Variants in LRRC4C observed in about 807,000 individuals in gnomAD.
LRRC4C encodes leucine rich repeat containing 4C, also known as leucine-rich repeat-containing protein 4C.
LRRC4C carries 5 observed loss-of-function variants against 33.6 expected under a neutral mutation model. The ratio of observed to expected loss-of-function variants is 0.15; its 90% CI spans 0.08 to 0.31. The LOEUF (loss-of-function observed/expected upper bound fraction) is 0.31. LRRC4C is among the 10% of genes least tolerant of loss of function. The probability of loss-of-function intolerance (pLI) is 1.00; values close to 1 mark genes in which losing one functional copy is unlikely to be tolerated. For synonymous variants in LRRC4C, 329 were observed against 302.0 expected, an observed-to-expected ratio of 1.09 and a Z score of -0.93; for missense variants, 560 against 796.7, an observed-to-expected ratio of 0.70 and a Z score of 3.58.
chr11:40,226,549 C>T (rs560481355), intron 5 of LRRC4C, among the ~76,000 whole-genome samples: 16 of 152,112 alleles, frequency 1.1e-4, no homozygotes, highest in Admixed American at 1.0e-3. Context: ...ACATTACTAA[C>T]CTTGCTTATG....
chr11:40,691,360 A>G (rs994536100), intron 2 of LRRC4C, among the ~76,000 whole-genome samples: 2 of 152,002 alleles, frequency 1.3e-5, no homozygotes, highest in Admixed American at 6.6e-5. Context: ...CTCTCTCCCA[A>G]GTATCCAATT....
chr11:41,440,990 T>C lies in LRRC4C; in HGVS notation c.-496+18441A>G, dbSNP rs186164814. ...GAGAACTCAATTACTATAATAATGCTGAGATAATAAGTGAGTCATGAAGAG... is the reference window on the plus strand; with the variant it reads ...GAGAACTCAATTACTATAATAATGCCGAGATAATAAGTGAGTCATGAAGAG... On this transcript the variant is annotated intron_variant, in intron 1 of 6. Transcript: ENST00000528697. 6.6e-5 allele frequency among the ~76,000 whole-genome samples: 10 copies of C among 152,250 alleles called. No individual in the cohort carries two copies. In the East Asian group the frequency reaches 1.7e-3, roughly 26 times the overall value.
chr11:40,601,265 T>C (rs1015806380), intron 3 of LRRC4C, among the ~76,000 whole-genome samples: 3 of 152,214 alleles, frequency 2.0e-5, no homozygotes, highest in Non-Finnish European at 4.4e-5. Context: ...TTTCTCCTGC[T>C]GAGAATTCTC....
chr11:41,387,121 C>G (rs1402819337), intron 1 of LRRC4C, among the ~76,000 whole-genome samples: 5 of 151,630 alleles, frequency 3.3e-5, no homozygotes, highest in African/African-American at 1.2e-4. Flanking sequence ...CTCCTGGGGT[C>G]AAATGTCTTT....
At chr11:41,145,445 G>T (rs548801469) in intron 1 of LRRC4C, among the ~76,000 whole-genome samples, 2 of 124,920 alleles carry the variant, frequency 1.6e-5, no homozygotes, top group Admixed American at 7.6e-5. Flanking sequence ...GGTCAAAATT[G>T]TGCCTGCTGC....
chr11:41,273,262 C>A (rs1949375641), intron 1 of LRRC4C, among the ~76,000 whole-genome samples: 1 of 152,114 alleles, frequency 6.6e-6, no homozygotes, highest in Admixed American at 6.6e-5. Flanking sequence ...CATGATCCAG[C>A]ATCCCACTTC....
intron 3 of LRRC4C, among the ~76,000 whole-genome samples, chr11:40,415,158 A>G (rs1399899741): frequency 6.6e-6 from 1 of 152,146 alleles, no homozygotes; most frequent in Non-Finnish European, 1.5e-5. Flanking sequence ...ATGGAGGCAT[A>G]TGTTAAACAC....
chr11:40,340,303 A>G (rs1166931494), intron 3 of LRRC4C, among the ~76,000 whole-genome samples: 4 of 152,314 alleles, frequency 2.6e-5, no homozygotes, highest in African/African-American at 7.2e-5. Context: ...CAGGCCATGT[A>G]CAGTTCAAAT....
At chr11:40,586,208 A>G (rs1958733303) in intron 3 of LRRC4C, among the ~76,000 whole-genome samples, 1 of 151,934 alleles carries the variant, frequency 6.6e-6, no homozygotes, top group Admixed American at 6.6e-5. Flanking sequence ...TTTGATTTGC[A>G]TTTCTCTGAT....
chr11:40,213,278 A>G (rs967335264), intron 5 of LRRC4C, among the ~76,000 whole-genome samples: 2 of 152,100 alleles, frequency 1.3e-5, no homozygotes, highest in Non-Finnish European at 2.9e-5. Flanking sequence ...TCTTACTTGG[A>G]TTTTGGTCTT....
chr11:41,282,262 T>G (rs1221983257), intron 1 of LRRC4C, among the ~76,000 whole-genome samples: 2 of 152,190 alleles, frequency 1.3e-5, no homozygotes, highest in African/African-American at 2.4e-5. Context: ...CAGAGTTATT[T>G]TGAGGTGCAA....
intron 1 of LRRC4C, among the ~76,000 whole-genome samples, chr11:40,935,376 CAG>C (rs1957825061): frequency 1.3e-5 from 2 of 152,142 alleles, no homozygotes; most frequent in Non-Finnish European, 2.9e-5. Context: ...TCTGACAAAA[CAG>C]AGCCATGTCT....
chr11:40,832,800 A>C (rs1565112862), intron 2 of LRRC4C, among the ~76,000 whole-genome samples: 1 of 152,180 alleles, frequency 6.6e-6, no homozygotes, highest in African/African-American at 2.4e-5. Context: ...ATCTAGAATG[A>C]GGTAGTACAT....
At chr11:40,818,335 T>C (rs1341305695) in intron 2 of LRRC4C, among the ~76,000 whole-genome samples, 30 of 152,086 alleles carry the variant, frequency 2.0e-4, no homozygotes, top group Admixed American at 2.0e-3. Flanking sequence ...AGACTTTCCC[T>C]TCCATCTTTA....
intron 3 of LRRC4C, among the ~76,000 whole-genome samples, chr11:40,490,158 G>T (rs1458645357): frequency 6.6e-6 from 1 of 152,152 alleles, no homozygotes; most frequent in East Asian, 1.9e-4. Flanking sequence ...ACTAAAAAAA[G>T]TAGTAGTTTC....
intron 1 of LRRC4C, among the ~76,000 whole-genome samples, chr11:41,049,763 T>C (rs1453879278): frequency 6.6e-6 from 1 of 152,214 alleles, no homozygotes; most frequent in Non-Finnish European, 1.5e-5. Context: ...CTTTGGGTTG[T>C]ATTCCAGAAA....
At chr11:40,938,017 G>T (rs115159445) in intron 1 of LRRC4C, among the ~76,000 whole-genome samples, 1 of 152,054 alleles carries the variant, frequency 6.6e-6, no homozygotes, top group Non-Finnish European at 1.5e-5. Context: ...AGTAATAGCA[G>T]TAATTCTCTC....
At chr11:40,823,027 T>C (rs1451166039) in intron 2 of LRRC4C, among the ~76,000 whole-genome samples, 1 of 151,770 alleles carries the variant, frequency 6.6e-6, no homozygotes, top group Non-Finnish European at 1.5e-5. Context: ...GTTCTATCAG[T>C]CTATGTGTTT....
intron 1 of LRRC4C, among the ~76,000 whole-genome samples, chr11:41,023,092 A>G (rs1282927207): frequency 1.3e-5 from 2 of 152,010 alleles, no homozygotes; most frequent in African/African-American, 4.8e-5. Flanking sequence ...AAATAAAATA[A>G]ATAGAAGGAC....
Sources: allele counts gnomAD v4.1 joint callset (sites outside exome capture counted in the v4.1 genomes callset), GRCh38; gene constraint gnomAD v4.1.1; transcripts MANE v1.5; gene names NCBI Gene and HGNC (gene_info 2026-07-23, HGNC 2026-07-21).